The following FRMD4B variants were observed in gnomAD, a reference collection of about 807,000 sequenced individuals.
FRMD4B encodes FERM domain-containing protein 4B.
In FRMD4B, 74 loss-of-function variants were observed where a neutral mutation model predicts 141.5. The ratio of observed to expected loss-of-function variants is 0.52; its 90% confidence interval spans 0.43 to 0.63. The LOEUF (loss-of-function observed/expected upper bound fraction) is 0.63. Among genes scored for constraint, FRMD4B ranks in the 30% least tolerant of loss-of-function variants. The pLI is 0.00. For missense variants in FRMD4B, 1,366 were observed against 1,253.4 expected (o/e 1.09, Z -1.36); for synonymous variants, 506 against 467.9 (o/e 1.08, Z -1.05).
chr3:69,207,576 G>A (rs993136088), intron 11 of FRMD4B, among the ~76,000 whole-genome samples: 3 of 152,090 alleles, frequency 2.0e-5, no homozygotes, highest in Middle Eastern at 3.2e-3. Flanking sequence ...TTGGGAGGCC[G>A]AGGCGGGTGG....
At chr3:69,442,052 T>C (rs1323895840) in intron 1 of FRMD4B, among the ~76,000 whole-genome samples, 2 of 152,250 alleles carry the variant, frequency 1.3e-5, no homozygotes, top group South Asian at 2.1e-4. Flanking sequence ...AGCTATCTAA[T>C]CTATCTCAGA....
chr3:69,407,783 C>T (rs569533151), intron 2 of FRMD4B, among the ~76,000 whole-genome samples: 3 of 152,086 alleles, frequency 2.0e-5, no homozygotes, highest in South Asian at 2.1e-4. Flanking sequence ...GGCCCAGACG[C>T]GGCTGCAGAA....
intron 14 of FRMD4B, among the ~76,000 whole-genome samples, chr3:69,195,705 T>C (rs1190582625): frequency 4.7e-5 from 1 of 21,376 alleles, no homozygotes; most frequent in Non-Finnish European, 1.3e-4. Flanking sequence ...AGTGTTCTTT[T>C]AAAAAGTAAG....
intron 1 of FRMD4B, among the ~76,000 whole-genome samples, chr3:69,344,147 T>G (rs1275364585): frequency 6.6e-6 from 1 of 152,232 alleles, no homozygotes; most frequent in African/African-American, 2.4e-5. Flanking sequence ...TCCTGATTTC[T>G]TCATGGACAG....
At chr3:69,505,664 A>G (rs1235375894) in intron 1 of FRMD4B, among the ~76,000 whole-genome samples, 3 of 152,218 alleles carry the variant, frequency 2.0e-5, no homozygotes, top group Non-Finnish European at 4.4e-5. Flanking sequence ...GCCAAGTATC[A>G]TTAGGCTCAT....
intron 1 of FRMD4B, among the ~76,000 whole-genome samples, chr3:69,459,763 TACATA>T (rs1705681796): frequency 6.6e-6 from 1 of 152,240 alleles, no homozygotes; most frequent in African/African-American, 2.4e-5. Flanking sequence ...AGTCAGTACA[TACATA>T]ACATGTCAAA....
intron 1 of FRMD4B, among the ~76,000 whole-genome samples, chr3:69,345,523 G>C (rs1000732382): frequency 6.6e-6 from 1 of 152,178 alleles, no homozygotes; most frequent in Non-Finnish European, 1.5e-5. Context: ...ATCTGAGAAC[G>C]GACAGACTGC....
At chr3:69,199,049 T>C (rs1482127802) in intron 11 of FRMD4B, 1 of 323,414 alleles carries the variant, frequency 3.1e-6, no homozygotes, top group Admixed American at 4.5e-5. Context: ...GGCAGGTGGA[T>C]CACGAGGTCA....
chr3:69,425,775 T>C (rs1705066966), intron 2 of FRMD4B, among the ~76,000 whole-genome samples: 1 of 152,220 alleles, frequency 6.6e-6, no homozygotes, highest in African/African-American at 2.4e-5. Flanking sequence ...ATCTTTTTTT[T>C]CAGAAGACTT....
chr3:69,475,088 A>T (rs67153783), intron 1 of FRMD4B, among the ~76,000 whole-genome samples: 3 of 152,008 alleles, frequency 2.0e-5, no homozygotes, highest in African/African-American at 7.2e-5. Flanking sequence ...ACAGTTCTTA[A>T]TCTACAAAAC....
chr3:69,513,742 A>T (rs1256815296), intron 1 of FRMD4B, among the ~76,000 whole-genome samples: 3 of 152,176 alleles, frequency 2.0e-5, no homozygotes, highest in Non-Finnish European at 2.9e-5. Context: ...GTTCAACATG[A>T]AAAAAACAAC....
intron 1 of FRMD4B, among the ~76,000 whole-genome samples, chr3:69,474,828 C>T (rs9869412): frequency 0.22 from 33,142 of 151,946 alleles, 4,924 homozygotes; most frequent in African/African-American, 0.43. Flanking sequence ...ATGTGGAAGA[C>T]GGACTGTTTA....
At chr3:69,484,982 C>A (rs1181956756) in intron 1 of FRMD4B, among the ~76,000 whole-genome samples, 1 of 151,898 alleles carries the variant, frequency 6.6e-6, no homozygotes, top group Admixed American at 6.6e-5. Context: ...CTTCTCTGGG[C>A]CCCCCCACCT....
At chr3:69,307,718 G>A (rs1425524772) in intron 3 of FRMD4B, among the ~76,000 whole-genome samples, 2 of 152,088 alleles carry the variant, frequency 1.3e-5, no homozygotes, top group Admixed American at 1.3e-4. Context: ...ATATTCAACT[G>A]AGCTTGGAGC....
intron 4 of FRMD4B, among the ~76,000 whole-genome samples, chr3:69,292,041 C>G (rs747513418): frequency 5.3e-5 from 8 of 151,038 alleles, no homozygotes; most frequent in Non-Finnish European, 1.2e-4. Context: ...GGCCATACAG[C>G]TAGCAAGTAG....
intron 19 of FRMD4B, among the ~76,000 whole-genome samples, chr3:69,185,881 A>G (rs1284403845): frequency 6.6e-6 from 1 of 151,922 alleles, no homozygotes; most frequent in Non-Finnish European, 1.5e-5. Context: ...ATCTCTACTA[A>G]AGATACAAAA....
At chr3:69,266,679 C>T (rs13323060) in intron 5 of FRMD4B, among the ~76,000 whole-genome samples, 33,122 of 151,950 alleles carry the variant, frequency 0.22, 3,720 homozygotes, top group East Asian at 0.35. Context: ...TTATTCTTTA[C>T]GTATGAATGC....
chr3:69,282,615 G>A (rs1463022749), intron 5 of FRMD4B, among the ~76,000 whole-genome samples: 1 of 152,092 alleles, frequency 6.6e-6, no homozygotes, highest in Non-Finnish European at 1.5e-5. Flanking sequence ...ACATCTCTTA[G>A]AATTTGTTAC....
Position 69,466,064 on chromosome 3 carries a change from GA to G in FRMD4B, c.-128-33304del, listed in dbSNP as rs1329985084. ...TCCTCTCCAGCATCTGTTGTTTCCT[GA>G]CTTTTTTTTTTCTCATTCTAAGTGG... On this transcript the variant is annotated intron_variant, in intron 1 of 5. Coordinates refer to the FRMD4B transcript ENST00000459638. Among the ~76,000 whole-genome samples the G allele has an allele frequency of 1.4e-4, 21 of 151,630 alleles. 1 individual carries two copies. Among genetic ancestry groups the G allele is most frequent in the African/African-American group, 1.7e-4 (7 of 41,256 alleles).
Sources: gnomAD v4.1 joint callset for allele counts (sites outside exome capture counted in the v4.1 genomes callset) on GRCh38, gnomAD v4.1.1 for gene constraint, MANE v1.5 for transcripts, NCBI Gene and HGNC (gene_info 2026-07-23, HGNC 2026-07-21) for gene names.